Variants in NFAM1 observed in about 807,000 individuals in gnomAD.
The protein encoded by NFAM1 is NFAT activating protein with ITAM motif 1, also known as NFAT activation molecule 1.
NFAM1 carries 17 observed loss-of-function variants against 29.0 expected under a neutral mutation model. The observed-to-expected ratio is 0.59, with a 90% CI of 0.40 to 0.88. The LOEUF is 0.88. Among genes scored for constraint, NFAM1 ranks in the 40% least tolerant of loss-of-function variants. The pLI, the probability that NFAM1 is intolerant of heterozygous loss-of-function variation, is 0.00. For synonymous variants in NFAM1, 175 were observed against 147.2 expected, an observed-to-expected ratio of 1.19 and a Z score of -1.36; for missense variants, 324 against 344.6, an observed-to-expected ratio of 0.94 and a Z score of 0.47.
At chr22:42,407,966 A>AGTG (rs1345409939) in intron 3 of NFAM1, among the ~76,000 whole-genome samples, 1 of 136,094 alleles carries the variant, frequency 7.3e-6, no homozygotes, top group Non-Finnish European at 1.5e-5. Flanking sequence ...GAAGTGCAGT[A>AGTG]GTGTAATCTC....
chr22:42,422,899 G>T (rs1048988568), intron 1 of NFAM1, among the ~76,000 whole-genome samples: 1 of 152,080 alleles, frequency 6.6e-6, no homozygotes, highest in Non-Finnish European at 1.5e-5. Context: ...TGGATCACGA[G>T]GTCAAGAGTT....
At chr22:42,435,098 C>A (rs1185359389), upstream of NFAM1, among the ~76,000 whole-genome samples, 3 of 152,226 alleles carry the variant, frequency 2.0e-5, no homozygotes. Flanking sequence ...GCTCTCCTTG[C>A]CAGTTTAATC....
In NFAM1 at chr22:42,419,990, G is replaced by GTTTTTT. The variant is rs869262500; in HGVS notation, c.122-8260_122-8255dup. Among the ~76,000 whole-genome samples the GTTTTTT allele has an allele frequency of 6.6e-5, 2 of 30,522 alleles. No homozygotes were observed. The highest frequency in any genetic ancestry group is 1.1e-4 in the Non-Finnish European group (2 of 17,916). The allele number at this position is 30,522 out of a possible 152,430, so 20.0% of individuals were successfully genotyped here. ...CTTTGAGTCTGTAATCCCACTCTTGGTTTTTTTTTTTTTTTTTTTTTTTTT... is the reference window on the plus strand; with the variant it reads ...CTTTGAGTCTGTAATCCCACTCTTGGTTTTTTTTTTTTTTTTTTTTTTTTTTTTTTT... On this transcript the variant is annotated intron_variant, in intron 1 of 5. Transcript: ENST00000329021. The surrounding 1 kb of genome is among the most constrained non-coding windows in gnomAD (Gnocchi z 4.5).
intron 4 of NFAM1, among the ~76,000 whole-genome samples, chr22:42,397,269 T>G (rs1414652533): frequency 6.6e-6 from 1 of 152,148 alleles, no homozygotes; most frequent in Non-Finnish European, 1.5e-5. Flanking sequence ...TTCCTGGAGA[T>G]GCACCCACAT....
At chr22:42,427,820 T>C (rs1930671075) in intron 1 of NFAM1, among the ~76,000 whole-genome samples, 1 of 152,182 alleles carries the variant, frequency 6.6e-6, no homozygotes, top group Non-Finnish European at 1.5e-5. Context: ...TGTGTACTAA[T>C]GATAAAACTA....
intron 4 of NFAM1, among the ~76,000 whole-genome samples, chr22:42,394,237 C>T (rs909682891): frequency 2.6e-5 from 4 of 151,792 alleles, no homozygotes; most frequent in African/African-American, 7.3e-5. Flanking sequence ...GGGGTTTCTC[C>T]ATGTTGGTCA....
rs1354015389 is a variant in NFAM1 at position 42,409,501 on chromosome 22, G to A, written c.498C>T (p.Leu166=). ...CACTCAGGAGGCCGGTGAAGCCAAA[G>A]AGCAGGAGCTTCTGTGGACTCTGCG... is the stretch of plus-strand genomic sequence containing the variant. ...EPPQSPQKLL[L]FGFTGLLSVL... is the part of the protein sequence containing the mutation. Residue 166 remains leucine (L), a synonymous_variant, in exon 3 of 6, where the codon CTC becomes CTT. Coordinates refer to ENST00000329021, the MANE Select transcript of NFAM1 (RefSeq NM_145912.8). This position sits in a 1 kb window ranked among gnomAD's most constrained non-coding sequence, Gnocchi z 4.9. 1 of 1,568,166 alleles carries A rather than the reference G, an allele frequency of 6.4e-7. No individual in the cohort carries two copies. Among genetic ancestry groups the A allele is most frequent in the Non-Finnish European group, 8.7e-7 (1 of 1,156,056 alleles).
chr22:42,427,848 G>A (rs1930671795), intron 1 of NFAM1, among the ~76,000 whole-genome samples: 1 of 152,214 alleles, frequency 6.6e-6, no homozygotes. Context: ...ATGCCAGTAA[G>A]TGATCCCCCC....
intron 4 of NFAM1, among the ~76,000 whole-genome samples, chr22:42,392,816 T>C (rs1929388472): frequency 1.3e-5 from 2 of 152,152 alleles, no homozygotes; most frequent in African/African-American, 4.8e-5. Context: ...TTTATTTATT[T>C]TGTGACAGAG....
At chr22:42,413,969 G>A (rs1368632400) in intron 1 of NFAM1, among the ~76,000 whole-genome samples, 5 of 152,066 alleles carry the variant, frequency 3.3e-5, no homozygotes, top group African/African-American at 9.7e-5. Context: ...CAGGAAAATC[G>A]CTTGAATCTG....
chr22:42,437,344 T>C (rs1382100943), upstream of NFAM1, among the ~76,000 whole-genome samples: 1 of 152,044 alleles, frequency 6.6e-6, no homozygotes, highest in African/African-American at 2.4e-5. Context: ...GGTTTTACCA[T>C]GTTGGCCAGG....
At chr22:42,421,904 G>T (rs111713011) in intron 1 of NFAM1, among the ~76,000 whole-genome samples, 1 of 152,202 alleles carries the variant, frequency 6.6e-6, no homozygotes, top group Non-Finnish European at 1.5e-5. Context: ...CCATGTGCCT[G>T]AGCACAAATC....
In NFAM1 at chr22:42,419,863, T is replaced by C. The variant is rs574440019; in HGVS notation, c.122-8127A>G. 9.1e-4 allele frequency among the ~76,000 whole-genome samples: 138 copies of C among 152,258 alleles called. No individual in the cohort carries two copies. Among genetic ancestry groups the C allele is most frequent in the African/African-American group, 3.2e-3 (133 of 41,556 alleles). ...TGTGATCAGAAGAGCCAATGTCCCC[T>C]GGGTTTGGTTTCACCTTTTGCAGAT... On this transcript the variant is annotated intron_variant, in intron 1 of 5. Transcript: ENST00000329021. The surrounding 1 kb of genome is among the most constrained non-coding windows in gnomAD (Gnocchi z 4.5).
At chr22:42,435,511 C>T (rs1930918093), upstream of NFAM1, among the ~76,000 whole-genome samples, 1 of 151,948 alleles carries the variant, frequency 6.6e-6, no homozygotes, top group African/African-American at 2.4e-5. Context: ...CCACGCCCGG[C>T]TAATTTTGTA....
chr22:42,426,109 G>C (rs1930613444), intron 1 of NFAM1, among the ~76,000 whole-genome samples: 1 of 152,220 alleles, frequency 6.6e-6, no homozygotes, highest in Non-Finnish European at 1.5e-5. Context: ...TTCTTCAGGG[G>C]ATGGGAGTCC....
In NFAM1 at chr22:42,432,256, G is replaced by T. The variant is rs758797446; in HGVS notation, c.102C>A (p.Pro34=). Residue 34 remains proline, a synonymous_variant, in exon 1 of 6, where the codon CCC becomes CCA. Transcript: ENST00000329021. ...PWLLLGVLLL[P]GTLRLAGGQS... is the part of the protein sequence containing the mutation. Reference sequence around the variant, plus strand: ...CACTACCTGCCAGTCGCAGGGTCCCGGGCAGCAGCAGCACGCCAAGGAGGA... The same window carrying T: ...CACTACCTGCCAGTCGCAGGGTCCCTGGCAGCAGCAGCACGCCAAGGAGGA... The T allele has an allele frequency of 6.4e-7, 1 of 1,572,892 alleles. No homozygotes were observed. The highest frequency in any genetic ancestry group is 1.3e-5 in the African/African-American group (1 of 74,082).
At chr22:42,394,690 A>T (rs1416785077) in intron 4 of NFAM1, among the ~76,000 whole-genome samples, 1 of 152,220 alleles carries the variant, frequency 6.6e-6, no homozygotes, top group African/African-American at 2.4e-5. Flanking sequence ...CACCCAAAGA[A>T]GGAAGACTAT....
In NFAM1 at chr22:42,409,344, A is replaced by G. The variant is rs772168042; in HGVS notation, c.564+91T>C. 20 of 625,172 alleles carry G rather than the reference A, an allele frequency of 3.2e-5. No individual in the cohort carries two copies. Among genetic ancestry groups the G allele is most frequent in the Non-Finnish European group, 5.1e-5 (19 of 371,510 alleles). 38.7% of individuals were successfully genotyped at this position (625,172 alleles called of 1,614,324 possible). ...TTACAGATGTGGATGTGCCCTCACC[A>G]GGGCCCACCAAACGCCCTGCAGAGG... is the stretch of plus-strand genomic sequence containing the variant. On this transcript the variant is annotated intron_variant, in intron 3 of 5. Transcript: ENST00000329021. This position sits in a 1 kb window ranked among gnomAD's most constrained non-coding sequence, Gnocchi z 4.9.
chr22:42,402,119 G>A (rs1929743552), intron 3 of NFAM1, among the ~76,000 whole-genome samples: 2 of 152,244 alleles, frequency 1.3e-5, no homozygotes, highest in African/African-American at 4.8e-5. Context: ...TATTCCAGGA[G>A]AGGGTGATGG....
Sources: gnomAD v4.1 joint callset for allele counts (sites outside exome capture counted in the v4.1 genomes callset) on GRCh38, gnomAD v4.1.1 for gene constraint, Gnocchi (gnomAD v3.1) non-coding constraint, MANE v1.5 for transcripts, NCBI Gene and HGNC (gene_info 2026-07-23, HGNC 2026-07-21) for gene names.